Variants in UBR4 observed in about 807,000 individuals in gnomAD.
The protein encoded by UBR4 is E3 ubiquitin-protein ligase UBR4.
In UBR4, 124 loss-of-function variants were observed where a neutral mutation model predicts 575.6. The observed-to-expected ratio is 0.22, with a 90% CI of 0.19 to 0.25. The LOEUF (loss-of-function observed/expected upper bound fraction) is 0.25, where lower values mean the gene tolerates loss of function less well. UBR4 is among the 10% of genes least tolerant of loss of function. The pLI, the probability that UBR4 is intolerant of heterozygous loss-of-function variation, is 1.00. For synonymous variants in UBR4, 2,455 were observed against 2,473.7 expected, an observed-to-expected ratio of 0.99 and a Z score of 0.22; for missense variants, 4,818 against 6,478.8, an observed-to-expected ratio of 0.74 and a Z score of 8.80.
rs1261908663 is a variant in UBR4 at position 19,167,983 on chromosome 1, G to A, written c.3899+44C>T. On this transcript the variant is annotated intron_variant, in intron 28 of 105. Transcript: ENST00000375254. ...TCACTGTCCCTCTTTAACCACAATA[G>A]AATACAGACATAGAGTCCTTGGGGC... The A allele has an allele frequency of 2.6e-6, 4 of 1,529,864 alleles. No individual in the cohort carries two copies. The African/African-American group carries it at 5.5e-5, about 21-fold the overall frequency. 94.8% of individuals were successfully genotyped at this position (1,529,864 alleles called of 1,614,324 possible).
rs765922884 is a variant in UBR4, at chr1:19,143,967, G to A, written c.8179+13C>T. On this transcript the variant is annotated intron_variant, in intron 55 of 105. Coordinates refer to ENST00000375254, the MANE Select transcript of UBR4 (RefSeq NM_020765.3). ...AAATACAGGCTTGAGCCTAAACCCA[G>A]ACCTCATATTACCCATTGGAGTGTT... 6.2e-7 allele frequency: 1 copy of A among 1,611,188 alleles called. No individual in the cohort carries two copies. Among genetic ancestry groups the A allele is most frequent in the Non-Finnish European group, 8.5e-7 (1 of 1,177,644 alleles).
chr1:19,084,745 GA>G (rs2076842409), intron 101 of UBR4, 47 bp from the exon 102 acceptor site: 1 of 1,552,550 alleles, frequency 6.4e-7, no homozygotes, highest in Admixed American at 1.8e-5. Context: ...AGTTCCTGGT[GA>G]AAACCCAGTT....
chr1:19,170,611 G>T, intron 26 of UBR4, 151 bp downstream of exon 26: 1 of 1,055,246 alleles, frequency 9.5e-7, no homozygotes, highest in Non-Finnish European at 1.4e-6. Context: ...TTATTGTGAA[G>T]ATCAAAATAG....
chr1:19,081,637 G>A, intron 102 of UBR4, 64 bp from the exon 103 acceptor site: 1 of 1,563,188 alleles, frequency 6.4e-7, no homozygotes, highest in Non-Finnish European at 8.8e-7. Context: ...AGCAAGAGCA[G>A]GAAGAATTTG....
Position 19,152,610 on chromosome 1 carries a change from G to A in UBR4, c.6833-134C>T, listed in dbSNP as rs1047587947. 2.8e-5 allele frequency: 33 copies of A among 1,178,764 alleles called. No homozygotes were observed. Among genetic ancestry groups the A allele is most frequent in the Middle Eastern group, 2.9e-4 (1 of 3,434 alleles). The allele number at this position is 1,178,764 out of a possible 1,614,324, so 73.0% of individuals were successfully genotyped here. A position where few individuals can be genotyped will look rare whatever the true frequency, so the allele number is the denominator to read the frequency against. ...AACTCTGGATTATAACATTTGCATC[G>A]GCATGATGCCTACATGTGGTTAGCT... On this transcript the variant is annotated intron_variant, in intron 46 of 105. Coordinates refer to ENST00000375254, the MANE Select transcript of UBR4 (RefSeq NM_020765.3). This position sits in a 1 kb window ranked among gnomAD's most constrained non-coding sequence, Gnocchi z 4.4.
intron 70 of UBR4, 62 bp downstream of exon 70, chr1:19,119,495 A>G: frequency 6.3e-7 from 1 of 1,577,566 alleles, no homozygotes; most frequent in Admixed American, 1.8e-5. Context: ...AATATTCTTA[A>G]CTCAAGAGAA....
chr1:19,084,438 G>A, intron 102 of UBR4, 66 bp downstream of exon 102: 3 of 1,491,778 alleles, frequency 2.0e-6, no homozygotes, highest in Non-Finnish European at 2.7e-6. Flanking sequence ...AAAGCTGAGG[G>A]GATCTCGGGC....
Position 19,173,289 on chromosome 1 carries a change from C to A in UBR4, c.3183G>T (p.Gln1061His). The A allele has an allele frequency of 6.2e-7, 1 of 1,614,154 alleles. No individual in the cohort carries two copies. ...AGCTAGCATGCTCAGCCTTCATTCC[C>A]TGTTTGATAAGGTGATCCTATTTGG... The part of the protein sequence containing the change: ...VNWIKDHLIK[Q>H]GMKAEHASSL... Residue 1061 changes from glutamine to histidine, a missense_variant, in exon 24 of 106, where the codon CAG becomes CAT. Around this residue, in one of 29 missense-constraint regions of UBR4, gnomAD observed 1,172 missense variants for 1,259.7 expected, o/e 0.93. Coordinates refer to ENST00000375254, the MANE Select transcript of UBR4 (RefSeq NM_020765.3).
At position 19,076,736 on chromosome 1, in the gene UBR4, T is replaced by A. The variant is rs767436885; in HGVS notation, c.15487+4A>T. ...TCTTTAAAAGAGAAAACCTTGACACTAACCGGCCACATCGAGGAACTCTGA... is the reference window on the plus strand; with the variant it reads ...TCTTTAAAAGAGAAAACCTTGACACAAACCGGCCACATCGAGGAACTCTGA... On this transcript the variant is annotated splice_donor_region_variant and intron_variant, in intron 105 of 105. Coordinates refer to ENST00000375254, the MANE Select transcript of UBR4 (RefSeq NM_020765.3). 6.2e-7 allele frequency: 1 copy of A among 1,614,052 alleles called. No homozygotes were observed. Among genetic ancestry groups the A allele is most frequent in the Non-Finnish European group, 8.5e-7 (1 of 1,179,992 alleles).
Position 19,077,710 on chromosome 1 carries a change from G to C in UBR4, c.15324+266C>G. On this transcript the variant is annotated intron_variant, in intron 104 of 105. Transcript: ENST00000375254. ...ATCACGCCATTGCACTCCAGCCTGG[G>C]CAACAAGAACAAAACTCCGTCTCAA... The C allele has an allele frequency of 4.5e-6, 6 of 1,340,698 alleles. No homozygotes were observed. In the African/African-American group the frequency reaches 7.3e-5, roughly 16 times the overall value. The allele number at this position is 1,340,698 out of a possible 1,614,324, so 83.1% of individuals were successfully genotyped here. A position where few individuals can be genotyped will look rare whatever the true frequency, so the allele number is the denominator to read the frequency against.
At chr1:19,189,471 T>C (rs1160108006) in intron 11 of UBR4, among the ~76,000 whole-genome samples, 1 of 152,230 alleles carries the variant, frequency 6.6e-6, no homozygotes, top group Non-Finnish European at 1.5e-5. Flanking sequence ...AGTGGAATAC[T>C]GCTGGCCATT....
intron 86 of UBR4, 64 bp downstream of exon 86, chr1:19,104,521 G>T: frequency 1.3e-6 from 2 of 1,560,800 alleles, no homozygotes; most frequent in South Asian, 1.1e-5. Flanking sequence ...AGCACCCAAG[G>T]AACTAAGGGT....
At chr1:19,209,324 G>A (rs2093185181) in intron 1 of UBR4, among the ~76,000 whole-genome samples, 1 of 152,174 alleles carries the variant, frequency 6.6e-6, no homozygotes, top group Non-Finnish European at 1.5e-5. Flanking sequence ...GGAAAAGGCA[G>A]GCACTCTGAG....
chr1:19,126,463 G>A lies in UBR4; in HGVS notation c.9421C>T (p.Leu3141Phe). Reference protein sequence around the residue: ...SSPPDMSPFFLRQYVKGHAAD... With the variant: ...SSPPDMSPFFFRQYVKGHAAD... Reference sequence around the variant, plus strand: ...GATCTCACCTTCACATACTGGCGGAGAAAGAATGGGCTCATGTCAGGTGGG... The same window carrying A: ...GATCTCACCTTCACATACTGGCGGAAAAAGAATGGGCTCATGTCAGGTGGG... The change falls in exon 64 of 106, where the codon CTC becomes TTC. Residue 3141 changes from leucine (L) to phenylalanine (F), a missense_variant. By Grantham distance (22) the Leu-to-Phe change is conservative (BLOSUM62 0). Coordinates refer to ENST00000375254, the MANE Select transcript of UBR4 (RefSeq NM_020765.3). The A allele has an allele frequency of 6.2e-7, 1 of 1,614,176 alleles. No individual in the cohort carries two copies. Among genetic ancestry groups the A allele is most frequent in the South Asian group, 1.1e-5 (1 of 91,078 alleles).
intron 41 of UBR4, 48 bp from the exon 42 acceptor site, chr1:19,156,471 T>C (rs1346032068): frequency 6.3e-7 from 1 of 1,595,970 alleles, no homozygotes; most frequent in Admixed American, 1.7e-5. Context: ...ATCTGAAAAG[T>C]GGGCTAATTC....
chr1:19,164,451 A>G lies in UBR4; in HGVS notation c.4512-10T>C, dbSNP rs769612213. ...ACCTTCCCCAACTTGGCTAGGAGAA[A>G]AGAAAGAGCAAGTTGGTGAATAATC... is the stretch of plus-strand genomic sequence containing the variant. On this transcript the variant is annotated splice_polypyrimidine_tract_variant and intron_variant, in intron 32 of 105. Transcript: ENST00000375254. 2.3e-5 allele frequency: 37 copies of G among 1,610,470 alleles called. No homozygotes were observed. The highest frequency in any genetic ancestry group is 3.1e-5 in the Non-Finnish European group (37 of 1,178,162).
At chr1:19,112,100 T>C (rs529367623) in intron 78 of UBR4, 91 of 156,436 alleles carry the variant, frequency 5.8e-4, no homozygotes, top group African/African-American at 2.1e-3. Context: ...CTCAGAGAAA[T>C]TAAGGAATCT....
intron 55 of UBR4, 121 bp downstream of exon 55, chr1:19,143,859 A>T: frequency 1.3e-6 from 1 of 775,640 alleles, no homozygotes; most frequent in Non-Finnish European, 2.1e-6. Flanking sequence ...TAGAAAAAAG[A>T]CAGATACATA....
chr1:19,183,874 A>C lies in UBR4; in HGVS notation c.2121T>G (p.Ala707=). 6.2e-7 allele frequency: 1 copy of C among 1,614,214 alleles called. No individual in the cohort carries two copies. The highest frequency in any genetic ancestry group is 8.5e-7 in the Non-Finnish European group (1 of 1,180,036). ...GLKGSSDEEF[A]AALYHFNHSL... ...AGTGGTTGAAGTGATAGAGAGCTGC[A>C]GCAAACTCTTCATCTGATGAACCTT... Residue 707 remains alanine, a synonymous_variant, in exon 17 of 106, where the codon GCT becomes GCG. Transcript: ENST00000375254.
Sources: allele counts gnomAD v4.1 joint callset (sites outside exome capture counted in the v4.1 genomes callset), GRCh38; gene constraint gnomAD v4.1.1; regional missense constraint gnomAD v4.1.1; non-coding constraint Gnocchi (gnomAD v3.1); transcripts MANE v1.5; gene names NCBI Gene and HGNC (gene_info 2026-07-23, HGNC 2026-07-21).